The following DPP6 variants were observed in gnomAD, a reference collection of about 807,000 sequenced individuals.
DPP6 encodes the protein A-type potassium channel modulatory protein DPP6.
A neutral mutation model predicts 122.6 loss-of-function variants in DPP6; 69 were observed. The ratio of observed to expected loss-of-function variants is 0.56; its 90% CI spans 0.46 to 0.69. DPP6 has a LOEUF of 0.69. Ranked by LOEUF, DPP6 falls within the 30% of genes least tolerant of loss-of-function variation. The probability of loss-of-function intolerance (pLI) is 0.00; values close to 1 mark genes in which losing one functional copy is unlikely to be tolerated. For synonymous variants in DPP6, 418 were observed against 433.1 expected (o/e 0.97, Z 0.43); for missense variants, 928 against 1,116.9 (o/e 0.83, Z 2.41).
intron 1 of DPP6, among the ~76,000 whole-genome samples, chr7:154,389,726 C>A (rs1200648498): frequency 6.6e-6 from 1 of 152,056 alleles, no homozygotes; most frequent in African/African-American, 2.4e-5. Flanking sequence ...TGGCAGTCCT[C>A]AAAATGTAAT....
At position 154,299,482 on chromosome 7, in the gene DPP6, T is replaced by C. The variant is rs1189727809; in HGVS notation, c.244-146732T>C. Among the ~76,000 whole-genome samples, 8 of 152,342 alleles carry C rather than the reference T, an allele frequency of 5.3e-5. No individual in the cohort carries two copies. In the South Asian group the frequency reaches 1.7e-3, roughly 32 times the overall value. ...CACAGTTCCATCCCAACTTGGTCTT[T>C]TTGTATGAGTTGAAGAAAAAGTGTG... On this transcript the variant is annotated intron_variant, in intron 1 of 25. Coordinates refer to ENST00000377770, the MANE Select transcript of DPP6 (RefSeq NM_130797.4).
chr7:153,884,104 G>A (rs887269737), upstream of DPP6, among the ~76,000 whole-genome samples: 2 of 152,072 alleles, frequency 1.3e-5, no homozygotes, highest in Non-Finnish European at 2.9e-5. Flanking sequence ...TTGGTGTACT[G>A]CACCCATTAA....
At chr7:154,280,205 G>T (rs1804412260) in intron 1 of DPP6, among the ~76,000 whole-genome samples, 1 of 152,100 alleles carries the variant, frequency 6.6e-6, no homozygotes, top group South Asian at 2.1e-4. Context: ...TATAAAAAAA[G>T]GTTTCTATTA....
At chr7:153,762,508 C>T in the DPP6 span, among the ~76,000 whole-genome samples, 18 of 151,992 alleles carry the variant, frequency 1.2e-4, no homozygotes, top group Non-Finnish European at 1.6e-4. Context: ...CGGTGGCTCA[C>T]GCCTATAATT....
At chr7:154,373,483 C>T (rs1812851169) in intron 1 of DPP6, among the ~76,000 whole-genome samples, 1 of 152,216 alleles carries the variant, frequency 6.6e-6, no homozygotes, top group Non-Finnish European at 1.5e-5. Flanking sequence ...CTAGCTCCCT[C>T]CTCAGTGTGG....
the DPP6 span, among the ~76,000 whole-genome samples, chr7:153,873,724 G>A: frequency 4.7e-3 from 723 of 152,302 alleles, 8 homozygotes; most frequent in African/African-American, 0.016. Flanking sequence ...GAAGACTGCT[G>A]TTACAGAACA....
intron 3 of DPP6, among the ~76,000 whole-genome samples, chr7:154,504,097 T>C (rs914205935): frequency 6.6e-6 from 1 of 152,226 alleles, no homozygotes; most frequent in African/African-American, 2.4e-5. Context: ...TCACTATTAT[T>C]TTTAATTAGT....
intron 1 of DPP6, among the ~76,000 whole-genome samples, chr7:154,169,633 T>G (rs899159155): frequency 6.6e-6 from 1 of 152,240 alleles, no homozygotes; most frequent in African/African-American, 2.4e-5. Flanking sequence ...GCTTCATTAA[T>G]GTAAGCTAAT....
intron 1 of DPP6, among the ~76,000 whole-genome samples, chr7:154,431,740 G>T (rs1818443117): frequency 6.6e-6 from 1 of 151,742 alleles, no homozygotes; most frequent in Admixed American, 6.6e-5. Context: ...TCTCCATGTT[G>T]GTCAGGCTGG....
chr7:153,970,599 G>T (rs1157714363), intron 1 of DPP6, among the ~76,000 whole-genome samples: 4 of 152,046 alleles, frequency 2.6e-5, no homozygotes, highest in Admixed American at 1.3e-4. Flanking sequence ...TATTTTGTTT[G>T]TTTCTAGAAA....
chr7:154,453,135 G>C (rs1438113692), intron 2 of DPP6, among the ~76,000 whole-genome samples: 1 of 152,184 alleles, frequency 6.6e-6, no homozygotes, highest in Non-Finnish European at 1.5e-5. Flanking sequence ...GCTGACGTGG[G>C]GGTCGGAAAC....
chr7:154,685,634 C>G (rs548200846), intron 7 of DPP6, among the ~76,000 whole-genome samples: 66 of 152,254 alleles, frequency 4.3e-4, no homozygotes, highest in African/African-American at 1.6e-3. Flanking sequence ...TTTTTAATCA[C>G]CAGGCCCATC....
At chr7:154,687,554 T>G (rs1466887528) in intron 7 of DPP6, among the ~76,000 whole-genome samples, 3 of 152,236 alleles carry the variant, frequency 2.0e-5, no homozygotes, top group African/African-American at 7.2e-5. Flanking sequence ...TGTTTGCCCC[T>G]TTCTTATTGA....
chr7:154,625,897 A>G (rs1285848718), intron 5 of DPP6, among the ~76,000 whole-genome samples: 2 of 152,250 alleles, frequency 1.3e-5, no homozygotes, highest in Admixed American at 6.5e-5. Flanking sequence ...GAAGACAGTA[A>G]ATCGAGCAAG....
chr7:153,939,901 C>G (rs1801620573), intron 1 of DPP6, among the ~76,000 whole-genome samples: 1 of 152,204 alleles, frequency 6.6e-6, no homozygotes, highest in African/African-American at 2.4e-5. Context: ...GCAGTTCATA[C>G]AGCATGAAGT....
intron 1 of DPP6, among the ~76,000 whole-genome samples, chr7:153,958,841 G>C (rs1014652132): frequency 6.6e-6 from 1 of 151,792 alleles, no homozygotes; most frequent in African/African-American, 2.4e-5. Flanking sequence ...CAGGGCCTCA[G>C]CTCAGCACCT....
At chr7:153,918,464 A>ACTCT (rs1258700119) in intron 1 of DPP6, among the ~76,000 whole-genome samples, 15 of 85,322 alleles carry the variant, frequency 1.8e-4, no homozygotes, top group South Asian at 5.0e-4. Context: ...ACACACACAC[A>ACTCT]CACTCTCTCT....
At chr7:154,530,890 A>G (rs1827789491) in intron 3 of DPP6, among the ~76,000 whole-genome samples, 1 of 152,158 alleles carries the variant, frequency 6.6e-6, no homozygotes, top group African/African-American at 2.4e-5. Flanking sequence ...GCAAACTAAC[A>G]CAGGAACAGA....
At chr7:153,799,949 ATGC>A in the DPP6 span, among the ~76,000 whole-genome samples, 6 of 152,232 alleles carry the variant, frequency 3.9e-5, no homozygotes, top group Non-Finnish European at 7.3e-5. Context: ...AGAAAGGGGA[ATGC>A]TAGTACACTT....
Sources: allele counts gnomAD v4.1 joint callset (sites outside exome capture counted in the v4.1 genomes callset), GRCh38; gene constraint gnomAD v4.1.1; transcripts MANE v1.5; gene names NCBI Gene and HGNC (gene_info 2026-07-23, HGNC 2026-07-21).